POU2F2: variants seen among roughly 807,000 people sequenced by gnomAD.
POU2F2 encodes POU domain, class 2, transcription factor 2.
A neutral mutation model predicts 63.5 loss-of-function variants in POU2F2; 14 were observed. The observed-to-expected ratio is 0.22, with a 90% CI of 0.15 to 0.34. The LOEUF is 0.34. Among genes scored for constraint, POU2F2 ranks in the 10% least tolerant of loss-of-function variants. The pLI, the probability that POU2F2 is intolerant of heterozygous loss-of-function variation, is 1.00. For missense variants in POU2F2, 607 were observed against 815.2 expected (o/e 0.74, Z 3.11); for synonymous variants, 306 against 348.6 (o/e 0.88, Z 1.36).
chr19:42,140,639 C>G (rs1181241224), intron 2 of POU2F2, among the ~76,000 whole-genome samples: 1 of 152,230 alleles, frequency 6.6e-6, no homozygotes, highest in Admixed American at 6.5e-5. Context: ...TGCTCCACTC[C>G]ATTCCCAGTT....
intron 1 of POU2F2, among the ~76,000 whole-genome samples, chr19:42,128,139 C>T (rs984588921): frequency 1.3e-5 from 2 of 152,094 alleles, no homozygotes; most frequent in African/African-American, 2.4e-5. Context: ...CAGAGACCTC[C>T]ACCCCAACTG....
At position 42,152,819 on chromosome 19, in the gene POU2F2, T is replaced by C. The variant is rs1358290488; in HGVS notation, c.-9+7513A>G. On this transcript the variant is annotated intron_variant, in intron 2 of 6. Transcript: ENST00000524801. This position sits in a 1 kb window ranked among gnomAD's most constrained non-coding sequence, Gnocchi z 4.1. ...TGGGAGAAAGCAGGCATCCCCTCAA[T>C]TGGGAGCAGCTCAGAAAGATGGGGC... The C allele has an allele frequency of 6.6e-6, 1 of 152,174 alleles. No individual in the cohort carries two copies. The highest frequency in any genetic ancestry group is 1.5e-5 in the Non-Finnish European group (1 of 68,084). The allele number at this position is 152,174 out of a possible 1,614,324, so 9.4% of individuals were successfully genotyped here.
chr19:42,120,286 G>A (rs749356599), intron 4 of POU2F2, among the ~76,000 whole-genome samples: 5 of 149,348 alleles, frequency 3.3e-5, no homozygotes, highest in Admixed American at 1.4e-4. Context: ...GTGCAATCTC[G>A]GCTCACTGCA....
At chr19:42,182,223 G>A (rs2034968894) in intron 1 of POU2F2, among the ~76,000 whole-genome samples, 1 of 148,898 alleles carries the variant, frequency 6.7e-6, no homozygotes, top group Admixed American at 6.8e-5. Flanking sequence ...CTGGGCGATA[G>A]AGCAAGACTC....
At chr19:42,168,181 A>G (rs1352061391) in intron 1 of POU2F2, among the ~76,000 whole-genome samples, 1 of 152,130 alleles carries the variant, frequency 6.6e-6, no homozygotes, top group Non-Finnish European at 1.5e-5. Flanking sequence ...GGACAGGTAG[A>G]GCAGAAGTCC....
Position 42,122,013 on chromosome 19 carries a change from G to A in POU2F2, c.186+113C>T, listed in dbSNP as rs570589783. On this transcript the variant is annotated intron_variant, in intron 4 of 14. Coordinates refer to ENST00000692977, the MANE Select transcript of POU2F2 (RefSeq NM_001394376.1). The stretch of plus-strand genomic sequence containing the variant: ...AGTGAGAAGGGGCGGGAGGAACCTC[G>A]TTACCAAGGTACCAAGGCTCAGTGC... 64 of 1,161,316 alleles carry A rather than the reference G, an allele frequency of 5.5e-5. No individual in the cohort carries two copies. The Admixed American group carries it at 6.3e-4, about 11-fold the overall frequency. 71.9% of individuals were successfully genotyped at this position (1,161,316 alleles called of 1,614,324 possible).
Position 42,122,126 on chromosome 19 carries a change from C to T in POU2F2, c.186G>A (p.Lys62=). The T allele has an allele frequency of 1.2e-6, 2 of 1,612,802 alleles. No individual in the cohort carries two copies. The highest frequency in any genetic ancestry group is 1.7e-6 in the Non-Finnish European group (2 of 1,178,842). The change falls in exon 4 of 15, where the codon AAG becomes AAA. Residue 62 remains lysine, a splice_region_variant and synonymous_variant. Transcript: ENST00000692977. ...CCTGGCTGTTCTGACAGGTGCTTACCTTTGTACTGGGGCCAGTTGGGGACA... is the reference window on the plus strand; with the variant it reads ...CCTGGCTGTTCTGACAGGTGCTTACTTTTGTACTGGGGCCAGTTGGGGACA... ...FSVSPTGPST[K]VGILSGLHLT... is the part of the protein sequence containing the mutation.
chr19:42,182,355 G>A (rs891359944), intron 1 of POU2F2, among the ~76,000 whole-genome samples: 5 of 152,022 alleles, frequency 3.3e-5, no homozygotes, highest in East Asian at 3.9e-4. Context: ...GATGTGGTGC[G>A]GGAGCAAGGA....
chr19:42,138,535 C>T (rs1283383370), intron 2 of POU2F2, among the ~76,000 whole-genome samples: 2 of 152,008 alleles, frequency 1.3e-5, no homozygotes, highest in African/African-American at 2.4e-5. Flanking sequence ...AAGGCTTCTG[C>T]GCAGAAGCAT....
intron 1 of POU2F2, among the ~76,000 whole-genome samples, chr19:42,189,832 C>G (rs1018512280): frequency 3.9e-5 from 6 of 152,166 alleles, no homozygotes; most frequent in Admixed American, 2.0e-4. Context: ...CAGCAATCCT[C>G]CTCCCTCAGC....
intron 1 of POU2F2, among the ~76,000 whole-genome samples, chr19:42,161,885 G>C (rs2034558580): frequency 6.6e-6 from 1 of 152,228 alleles, no homozygotes; most frequent in Non-Finnish European, 1.5e-5. Flanking sequence ...CCACAGTGAG[G>C]TCTTGGTTAA....
intron 2 of POU2F2, among the ~76,000 whole-genome samples, chr19:42,150,531 A>T (rs950324007): frequency 6.6e-6 from 1 of 150,538 alleles, no homozygotes; most frequent in Non-Finnish European, 1.5e-5. Flanking sequence ...ATTGCCAAGA[A>T]ACTGGATCGA....
intron 1 of POU2F2, among the ~76,000 whole-genome samples, chr19:42,164,606 TC>T (rs2034614012): frequency 6.6e-6 from 1 of 151,090 alleles, no homozygotes; most frequent in Non-Finnish European, 1.5e-5. Flanking sequence ...GTCCCAGGTA[TC>T]TAAATTTTAA....
Position 42,156,828 on chromosome 19 carries a change from A to G in POU2F2, c.-9+3504T>C, listed in dbSNP as rs1275443717. The G allele has an allele frequency of 6.6e-6, 1 of 152,158 alleles. No individual in the cohort carries two copies. The highest frequency in any genetic ancestry group is 1.9e-4 in the East Asian group (1 of 5,182). The allele number at this position is 152,158 out of a possible 1,614,324, so 9.4% of individuals were successfully genotyped here. ...TCATGTGCGGCTAAACATCCTCCTC[A>G]TGCAGCCTTGAATTCTGTTCCTTCC... On this transcript the variant is annotated intron_variant, in intron 2 of 6. Coordinates refer to the POU2F2 transcript ENST00000524801. This position sits in a 1 kb window ranked among gnomAD's most constrained non-coding sequence, Gnocchi z 4.1.
upstream of POU2F2, among the ~76,000 whole-genome samples, chr19:42,134,927 C>T (rs1184350510): frequency 3.3e-5 from 5 of 151,968 alleles, no homozygotes; most frequent in Non-Finnish European, 4.4e-5. Context: ...CCCGGGGGCC[C>T]GGCGGGGAGT....
At chr19:42,112,368 TTTTG>T (rs1240798568) in intron 5 of POU2F2, among the ~76,000 whole-genome samples, 3 of 152,136 alleles carry the variant, frequency 2.0e-5, no homozygotes, top group East Asian at 1.9e-4. Flanking sequence ...GGGGACGTGT[TTTTG>T]TTTGTTTATT....
intron 1 of POU2F2, among the ~76,000 whole-genome samples, chr19:42,190,417 G>C (rs574327784): frequency 2.0e-5 from 3 of 152,092 alleles, no homozygotes; most frequent in Non-Finnish European, 2.9e-5. Flanking sequence ...GGATGCTCAA[G>C]GGAGAAGGGT....
In POU2F2 at chr19:42,152,202, T is replaced by A. The variant is rs1265245420; in HGVS notation, c.-9+8130A>T. ...CCCATGCCCACAGGGATATGGAGCC[T>A]CCAAAGAGACAGAAGGAAACAGGCA... On this transcript the variant is annotated intron_variant, in intron 2 of 6. Transcript: ENST00000524801. This position sits in a 1 kb window ranked among gnomAD's most constrained non-coding sequence, Gnocchi z 4.1. Among the ~76,000 whole-genome samples the A allele has an allele frequency of 1.3e-5, 2 of 151,910 alleles. No individual in the cohort carries two copies. The highest frequency in any genetic ancestry group is 4.8e-5 in the African/African-American group (2 of 41,316).
chr19:42,172,233 C>A (rs1457278741), intron 1 of POU2F2, among the ~76,000 whole-genome samples: 2 of 152,192 alleles, frequency 1.3e-5, no homozygotes, highest in Non-Finnish European at 2.9e-5. Flanking sequence ...TTCCTAATGA[C>A]CTGGAAACTC....
Sources: allele counts gnomAD v4.1 joint callset (sites outside exome capture counted in the v4.1 genomes callset), GRCh38; gene constraint gnomAD v4.1.1; non-coding constraint Gnocchi (gnomAD v3.1); transcripts MANE v1.5; gene names NCBI Gene and HGNC (gene_info 2026-07-23, HGNC 2026-07-21).